The following FGGY variants were observed in gnomAD, a reference collection of about 807,000 sequenced individuals.
The protein encoded by FGGY is FGGY carbohydrate kinase domain-containing protein.
Under a neutral mutation model 71.3 loss-of-function variants are expected in FGGY, and 72 were observed. The observed-to-expected ratio is 1.01, with a 90% CI of 0.84 to 1.23. FGGY has a LOEUF of 1.23. FGGY is among the 50% of genes most tolerant of loss of function. The probability of loss-of-function intolerance (pLI) is 0.00; values close to 1 mark genes in which losing one functional copy is unlikely to be tolerated. For missense variants in FGGY, 668 were observed against 682.3 expected (o/e 0.98, Z 0.23); for synonymous variants, 251 against 250.3 (o/e 1.00, Z -0.02).
At chr1:59,479,011 G>A (rs17483469) in intron 6 of FGGY, among the ~76,000 whole-genome samples, 1,756 of 152,292 alleles carry the variant, frequency 0.012, 13 homozygotes, top group Middle Eastern at 0.024. Context: ...GATAAAAGTC[G>A]TACAGCAGCC....
chr1:59,558,894 A>G (rs931206559), intron 8 of FGGY, among the ~76,000 whole-genome samples: 1 of 152,128 alleles, frequency 6.6e-6, no homozygotes, highest in African/African-American at 2.4e-5. Context: ...TGCTGGGAAA[A>G]TAATTTAGCG....
intron 7 of FGGY, among the ~76,000 whole-genome samples, chr1:59,540,433 T>C (rs1047334174): frequency 1.3e-5 from 2 of 152,216 alleles, no homozygotes; most frequent in African/African-American, 2.4e-5. Context: ...CATGCAGCAG[T>C]GTGGTTGAAT....
rs1365606828 is a variant in FGGY at position 59,340,020 on chromosome 1, T to C, written c.264T>C (p.Ser88=). ...GACTTGGGTTTGATGCCACGTGTTC[T>C]CTGGTTGTTTTGGATAAGCAGTTTC... The part of the protein sequence containing the change: ...IRGLGFDATC[S]LVVLDKQFHP... Residue 88 remains serine, a synonymous_variant, in exon 3 of 16, where the codon TCT becomes TCC. Coordinates refer to ENST00000303721, the MANE Select transcript of FGGY (RefSeq NM_018291.5). 1 of 1,613,420 alleles carries C rather than the reference T, an allele frequency of 6.2e-7. No individual in the cohort carries two copies. Among genetic ancestry groups the C allele is most frequent in the South Asian group, 1.1e-5 (1 of 90,998 alleles).
intron 1 of FGGY, among the ~76,000 whole-genome samples, chr1:59,318,023 A>G (rs955049933): frequency 6.6e-6 from 1 of 152,186 alleles, no homozygotes; most frequent in Non-Finnish European, 1.5e-5. Context: ...ACAAATGGGC[A>G]TTTAGTAAAT....
chr1:59,649,103 G>A (rs1016876700), intron 11 of FGGY, among the ~76,000 whole-genome samples: 8 of 152,018 alleles, frequency 5.3e-5, no homozygotes, highest in African/African-American at 7.2e-5. Flanking sequence ...TGTTCCATTG[G>A]TCTATATCTC....
At chr1:59,319,425 C>T (rs1284273128) in intron 1 of FGGY, among the ~76,000 whole-genome samples, 1 of 151,996 alleles carries the variant, frequency 6.6e-6, no homozygotes, top group Non-Finnish European at 1.5e-5. Flanking sequence ...GTTAGGAAGA[C>T]AGACATGGAA....
chr1:59,386,059 C>T (rs6697879), intron 5 of FGGY, among the ~76,000 whole-genome samples: 11,928 of 152,056 alleles, frequency 0.078, 707 homozygotes, highest in African/African-American at 0.16. Context: ...ATTGTGAAGA[C>T]GCTACAGAAT....
At chr1:59,678,587 G>A (rs1036107538) in intron 14 of FGGY, among the ~76,000 whole-genome samples, 5 of 152,126 alleles carry the variant, frequency 3.3e-5, no homozygotes, top group African/African-American at 1.2e-4. Context: ...TCAATCAAAT[G>A]GCAAAGAGAC....
chr1:59,690,043 A>G (rs114697485), intron 14 of FGGY, among the ~76,000 whole-genome samples: 101 of 152,320 alleles, frequency 6.6e-4, no homozygotes, highest in African/African-American at 2.1e-3. Context: ...TAATTGGACT[A>G]CAGCAGTTGT....
intron 14 of FGGY, among the ~76,000 whole-genome samples, chr1:59,710,455 A>G (rs995425186): frequency 1.3e-5 from 2 of 152,238 alleles, no homozygotes; most frequent in Non-Finnish European, 2.9e-5. Flanking sequence ...ATGGGATCTA[A>G]TTAAACTAAA....
intron 5 of FGGY, among the ~76,000 whole-genome samples, chr1:59,441,485 T>G (rs1269821974): frequency 2.0e-5 from 3 of 152,224 alleles, no homozygotes; most frequent in Non-Finnish European, 4.4e-5. Flanking sequence ...TTCCCTGTAG[T>G]ATTCTTAGCA....
chr1:59,577,407 C>G (rs1381219426), intron 8 of FGGY, among the ~76,000 whole-genome samples: 1 of 152,034 alleles, frequency 6.6e-6, no homozygotes, highest in Non-Finnish European at 1.5e-5. Flanking sequence ...TATATGTTGT[C>G]CATGAATTAT....
intron 8 of FGGY, among the ~76,000 whole-genome samples, chr1:59,584,700 T>C (rs1034094183): frequency 2.0e-5 from 3 of 149,922 alleles, no homozygotes; most frequent in African/African-American, 7.6e-5. Context: ...AAATAAAGGG[T>C]ATTCAATTAG....
intron 4 of FGGY, among the ~76,000 whole-genome samples, chr1:59,364,381 C>A (rs1019291710): frequency 6.6e-6 from 1 of 152,240 alleles, no homozygotes; most frequent in Non-Finnish European, 1.5e-5. Context: ...GCTCCTGAAA[C>A]AGACTGAGAA....
At chr1:59,745,163 C>A (rs116585756) in intron 14 of FGGY, among the ~76,000 whole-genome samples, 1,527 of 152,270 alleles carry the variant, frequency 0.01, 34 homozygotes, top group African/African-American at 0.035. Context: ...GGAATGGATT[C>A]TGGCTTGGCT....
At chr1:59,298,942 T>C (rs1172112570) in intron 1 of FGGY, among the ~76,000 whole-genome samples, 1 of 152,240 alleles carries the variant, frequency 6.6e-6, no homozygotes, top group East Asian at 1.9e-4. Context: ...TGGTAGTCTC[T>C]GGGAAAGTGC....
intron 9 of FGGY, among the ~76,000 whole-genome samples, chr1:59,621,551 C>A (rs560655139): frequency 6.7e-6 from 1 of 148,364 alleles, no homozygotes; most frequent in South Asian, 2.1e-4. Flanking sequence ...TTTTTCAATG[C>A]ATTTATTTTA....
intron 12 of FGGY, among the ~76,000 whole-genome samples, chr1:59,666,072 A>G (rs1250786948): frequency 6.6e-6 from 1 of 151,976 alleles, no homozygotes; most frequent in African/African-American, 2.4e-5. Flanking sequence ...AACCTGAACA[A>G]TACTGTCACA....
intron 8 of FGGY, among the ~76,000 whole-genome samples, chr1:59,580,545 C>T (rs1344072070): frequency 6.6e-6 from 1 of 152,176 alleles, no homozygotes; most frequent in African/African-American, 2.4e-5. Context: ...TTGCTTTAAT[C>T]AAGTTTGTAC....
Sources: allele counts gnomAD v4.1 joint callset (sites outside exome capture counted in the v4.1 genomes callset), GRCh38; gene constraint gnomAD v4.1.1; transcripts MANE v1.5; gene names NCBI Gene and HGNC (gene_info 2026-07-23, HGNC 2026-07-21).